MACROD2: variants seen among roughly 807,000 people sequenced by gnomAD.
MACROD2 encodes the protein mono-ADP ribosylhydrolase 2.
MACROD2 carries 36 observed loss-of-function variants against 70.4 expected under a neutral mutation model. That is an observed-to-expected ratio of 0.51 (90% CI 0.39 to 0.68). The LOEUF is 0.68. Among genes scored for constraint, MACROD2 ranks in the 30% least tolerant of loss-of-function variants. The pLI is 0.00. For missense variants in MACROD2, 496 were observed against 538.4 expected, an observed-to-expected ratio of 0.92 and a Z score of 0.78; for synonymous variants, 172 against 178.8, an observed-to-expected ratio of 0.96 and a Z score of 0.30.
intron 8 of MACROD2, among the ~76,000 whole-genome samples, chr20:15,532,823 A>G (rs2047823169): frequency 6.6e-6 from 1 of 151,948 alleles, no homozygotes; most frequent in African/African-American, 2.4e-5. Flanking sequence ...TGGCATGAGC[A>G]AGTATCTTAG....
chr20:14,050,676 A>G (rs934440841), intron 2 of MACROD2, among the ~76,000 whole-genome samples: 1 of 152,242 alleles, frequency 6.6e-6, no homozygotes, highest in East Asian at 1.9e-4. Context: ...GAACTTAAAT[A>G]TAATAACCTC....
chr20:16,046,674 A>ATTT (rs1491359046), intron 17 of MACROD2, among the ~76,000 whole-genome samples: 2 of 124,680 alleles, frequency 1.6e-5, no homozygotes, highest in Admixed American at 8.2e-5. Flanking sequence ...AGGTGTCAAA[A>ATTT]CTTTTTTTTT....
chr20:15,872,745 G>A (rs1450529611), intron 9 of MACROD2, among the ~76,000 whole-genome samples: 1 of 152,000 alleles, frequency 6.6e-6, no homozygotes, highest in African/African-American at 2.4e-5. Context: ...AGTAAGATAG[G>A]TTTATAGTGA....
intron 3 of MACROD2, among the ~76,000 whole-genome samples, chr20:14,465,749 C>T (rs1256004472): frequency 6.6e-6 from 1 of 152,064 alleles, no homozygotes; most frequent in East Asian, 1.9e-4. Context: ...AATCTCTCAG[C>T]ATTTGCTTGT....
At chr20:14,233,793 A>C (rs1279488722) in intron 3 of MACROD2, among the ~76,000 whole-genome samples, 1 of 152,076 alleles carries the variant, frequency 6.6e-6, no homozygotes, top group East Asian at 1.9e-4. Context: ...TAAGTGAAAG[A>C]TAGCCAGTCT....
intron 5 of MACROD2, among the ~76,000 whole-genome samples, chr20:14,978,938 AATATATATAATCATAT>A (rs1241092080): frequency 7.0e-6 from 1 of 142,988 alleles, no homozygotes; most frequent in Non-Finnish European, 1.5e-5. Flanking sequence ...TATATATCAT[AATATATATAATCATAT>A]ATATATATAT....
chr20:14,918,292 G>GA (rs1448232566), intron 5 of MACROD2, among the ~76,000 whole-genome samples: 1 of 152,148 alleles, frequency 6.6e-6, no homozygotes, highest in East Asian at 1.9e-4. Context: ...TTCATGATGA[G>GA]AAAGACTTGA....
At chr20:14,005,380 A>C (rs1487076412) in intron 2 of MACROD2, among the ~76,000 whole-genome samples, 2 of 152,204 alleles carry the variant, frequency 1.3e-5, no homozygotes, top group Non-Finnish European at 2.9e-5. Context: ...GCTAATTTCT[A>C]GACTTACATA....
intron 13 of MACROD2, among the ~76,000 whole-genome samples, chr20:15,968,943 C>T (rs1205600502): frequency 6.6e-6 from 1 of 151,194 alleles, no homozygotes; most frequent in Non-Finnish European, 1.5e-5. Context: ...GGCAATGAAT[C>T]TCCAGATATG....
intron 6 of MACROD2, among the ~76,000 whole-genome samples, chr20:15,285,676 C>G (rs1025170439): frequency 6.6e-6 from 1 of 152,056 alleles, no homozygotes; most frequent in African/African-American, 2.4e-5. Flanking sequence ...TGAGCTAGAA[C>G]CTGTACTGGT....
At chr20:15,410,600 C>T (rs1220828192) in intron 6 of MACROD2, among the ~76,000 whole-genome samples, 1 of 152,148 alleles carries the variant, frequency 6.6e-6, no homozygotes, top group African/African-American at 2.4e-5. Context: ...TGATATACCA[C>T]TGTCATATTA....
At chr20:14,977,478 C>A (rs1377802812) in intron 5 of MACROD2, among the ~76,000 whole-genome samples, 1 of 151,400 alleles carries the variant, frequency 6.6e-6, no homozygotes. Context: ...CACACACACA[C>A]ACACACACAC....
chr20:14,281,791 C>T (rs990164354), intron 3 of MACROD2, among the ~76,000 whole-genome samples: 21 of 151,674 alleles, frequency 1.4e-4, no homozygotes, highest in African/African-American at 2.7e-4. Context: ...AAAAATTAGC[C>T]GGGCGCGGTG....
intron 5 of MACROD2, among the ~76,000 whole-genome samples, chr20:14,773,460 A>C (rs539085356): frequency 6.6e-6 from 1 of 152,148 alleles, no homozygotes; most frequent in South Asian, 2.1e-4. Flanking sequence ...ATATAAATGA[A>C]ATCATATATT....
rs911465634 is a variant in MACROD2, at chr20:15,310,166, A to C, written c.540+80105A>C. Among the ~76,000 whole-genome samples, 20 of 152,328 alleles carry C rather than the reference A, an allele frequency of 1.3e-4. 1 individual carries two copies. The South Asian group carries it at 3.9e-3, about 30-fold the overall frequency. ...GTACAGATTCAATGGGAATATTTATAAGGTGCCTGGCAGAAAGCCTGGGAA... is the reference window on the plus strand; with the variant it reads ...GTACAGATTCAATGGGAATATTTATCAGGTGCCTGGCAGAAAGCCTGGGAA... On this transcript the variant is annotated intron_variant, in intron 6 of 17. Coordinates refer to ENST00000684519, the MANE Select transcript of MACROD2 (RefSeq NM_001351661.2).
chr20:15,035,764 G>A (rs935260776), intron 5 of MACROD2, among the ~76,000 whole-genome samples: 1 of 152,164 alleles, frequency 6.6e-6, no homozygotes, highest in Non-Finnish European at 1.5e-5. Flanking sequence ...GAGGGACCCT[G>A]TTCTTTGTTT....
intron 5 of MACROD2, among the ~76,000 whole-genome samples, chr20:14,717,507 A>T (rs1728578602): frequency 6.6e-6 from 1 of 151,690 alleles, no homozygotes; most frequent in African/African-American, 2.4e-5. Flanking sequence ...TTATTAGCAG[A>T]CTGCCATACT....
At chr20:14,397,167 G>C (rs1386644388) in intron 3 of MACROD2, among the ~76,000 whole-genome samples, 11 of 151,408 alleles carry the variant, frequency 7.3e-5, no homozygotes, top group Non-Finnish European at 1.6e-4. Flanking sequence ...GGTAATTTTT[G>C]TATTTTTACT....
intron 8 of MACROD2, among the ~76,000 whole-genome samples, chr20:15,798,974 C>T (rs892292035): frequency 1.3e-5 from 2 of 152,072 alleles, no homozygotes; most frequent in Non-Finnish European, 1.5e-5. Flanking sequence ...AGAAAGAAAC[C>T]CGGGGTATGT....
Sources: gnomAD v4.1 joint callset for allele counts (sites outside exome capture counted in the v4.1 genomes callset) on GRCh38, gnomAD v4.1.1 for gene constraint, MANE v1.5 for transcripts, NCBI Gene and HGNC (gene_info 2026-07-23, HGNC 2026-07-21) for gene names.